Variants in ENPP1 observed in about 807,000 individuals in gnomAD.
ENPP1 encodes the protein ectonucleotide pyrophosphatase/phosphodiesterase 1.
In ENPP1, 73 loss-of-function variants were observed where a neutral mutation model predicts 122.8. That is an observed-to-expected ratio of 0.59 (90% CI 0.49 to 0.72). The LOEUF (loss-of-function observed/expected upper bound fraction) is 0.72, where lower values mean the gene tolerates loss of function less well. Ranked by LOEUF, ENPP1 falls within the 30% of genes least tolerant of loss-of-function variation. ENPP1 has a pLI of 0.00. For missense variants in ENPP1, 978 were observed against 1,128.1 expected (o/e 0.87, Z 1.91); for synonymous variants, 367 against 391.6 (o/e 0.94, Z 0.74).
chr6:131,851,228 A>G lies in ENPP1; in HGVS notation c.517A>G (p.Lys173Glu), dbSNP rs1044498. 2 of 1,613,842 alleles carry G rather than the reference A, an allele frequency of 1.2e-6. No individual in the cohort carries two copies. Among genetic ancestry groups the G allele is most frequent in the South Asian group, 1.1e-5 (1 of 91,092 alleles). ...LCACSDDCKDKGDCCINYSSV... is the reference protein window; with the variant it reads ...LCACSDDCKDEGDCCINYSSV... ...TGCCTGTTCAGATGACTGCAAGGAC[A>G]AGGGCGACTGCTGCATCAACTACAG... Residue 173 changes from lysine to glutamate, a missense_variant, in exon 4 of 25, where the codon AAG (lysine) becomes GAG (glutamate). This residue lies in a region of ENPP1 where 330 missense variants were observed against 328.5 expected (regional missense o/e 1.00). Coordinates refer to ENST00000647893, the MANE Select transcript of ENPP1 (RefSeq NM_006208.3).
At chr6:131,854,723 G>A (rs1248725566) in intron 5 of ENPP1, among the ~76,000 whole-genome samples, 3 of 152,102 alleles carry the variant, frequency 2.0e-5, no homozygotes, top group Non-Finnish European at 4.4e-5. Context: ...ATTACGAAAT[G>A]ATAGAGCTTG....
chr6:131,819,833 A>G (rs2114657693), intron 1 of ENPP1: 1 of 409,446 alleles, frequency 2.4e-6, no homozygotes, highest in Admixed American at 3.7e-5. Context: ...CCATTGGAGG[A>G]GGACTGGGGC....
At chr6:131,841,534 C>T (rs562795389) in intron 1 of ENPP1, among the ~76,000 whole-genome samples, 2 of 152,298 alleles carry the variant, frequency 1.3e-5, no homozygotes, top group South Asian at 4.1e-4. Context: ...TGTCACTTAA[C>T]AAACTGACTC....
chr6:131,843,866 C>T (rs141351909), intron 1 of ENPP1, among the ~76,000 whole-genome samples: 5 of 152,116 alleles, frequency 3.3e-5, no homozygotes, highest in Admixed American at 2.0e-4. Flanking sequence ...ATTCCTTCCA[C>T]ACTCCCACCC....
At chr6:131,868,172 G>T in intron 12 of ENPP1, 46 bp downstream of exon 12, 2 of 1,414,652 alleles carry the variant, frequency 1.4e-6, no homozygotes. Flanking sequence ...AAGGGCTGAA[G>T]AAAGTTTACT....
intron 1 of ENPP1, among the ~76,000 whole-genome samples, chr6:131,837,094 C>G (rs1325877030): frequency 1.3e-5 from 2 of 151,478 alleles, no homozygotes; most frequent in Non-Finnish European, 2.9e-5. Flanking sequence ...TCTTTACAAG[C>G]AGTGGTTTGG....
chr6:131,821,620 C>G (rs184533377), intron 1 of ENPP1, among the ~76,000 whole-genome samples: 57 of 152,350 alleles, frequency 3.7e-4, no homozygotes, highest in Non-Finnish European at 5.3e-4. Context: ...TTACTCTGCA[C>G]TGGCTTGTCC....
rs975737872 is a variant in ENPP1, at chr6:131,894,701, G to A, written c.*4190G>A. ...GATAAAAGAGGACAAACCTTAGGGA[G>A]AAGAAGGCAGCTGCTCATTTCCAGC... On this transcript the variant is annotated 3_prime_UTR_variant, in exon 25 of 25. Coordinates refer to ENST00000647893, the MANE Select transcript of ENPP1 (RefSeq NM_006208.3). 2.0e-5 allele frequency: 3 copies of A among 152,236 alleles called. No homozygotes were observed. The highest frequency in any genetic ancestry group is 7.2e-5 in the African/African-American group (3 of 41,454). The allele number at this position is 152,236 out of a possible 1,614,324, so 9.4% of individuals were successfully genotyped here.
At chr6:131,845,698 A>AT (rs1781801200) in intron 1 of ENPP1, among the ~76,000 whole-genome samples, 1 of 151,814 alleles carries the variant, frequency 6.6e-6, no homozygotes, top group African/African-American at 2.4e-5. Context: ...GCCTGAAGTG[A>AT]TCCCCCCACC....
Position 131,824,442 on chromosome 6 carries a change from T to TTTGTTGTTG in ENPP1, c.240+16188_240+16196dup, listed in dbSNP as rs140923936. 5.4e-4 allele frequency among the ~76,000 whole-genome samples: 71 copies of TTTGTTGTTG among 132,538 alleles called. 1 individual carries two copies. The highest frequency in any genetic ancestry group is 1.7e-3 in the African/African-American group (65 of 38,758). The allele number at this position is 132,538 out of a possible 152,430, so 87.0% of individuals were successfully genotyped here. On this transcript the variant is annotated intron_variant, in intron 1 of 24. Coordinates refer to ENST00000647893, the MANE Select transcript of ENPP1 (RefSeq NM_006208.3). ...TTGCCAGAGCCATCTCCAGGCAGGA[T>TTTGTTGTTG]TTGTTGTTGTTGTTGTTGTTGTTGT... is the stretch of plus-strand genomic sequence containing the variant.
Position 131,861,637 on chromosome 6 carries a change from T to G in ENPP1, c.958T>G (p.Phe320Val), listed in dbSNP as rs1320551672. 6.2e-7 allele frequency: 1 copy of G among 1,613,400 alleles called. No homozygotes were observed. The highest frequency in any genetic ancestry group is 8.5e-7 in the Non-Finnish European group (1 of 1,179,376). ...GTATCAAGGCCTCAAGTCTGGCACA[T>G]TTTTCTGGCCAGGATCAGATGTGGA... is the stretch of plus-strand genomic sequence containing the variant. ...AKYQGLKSGT[F>V]FWPGSDVEIN... Residue 320 changes from phenylalanine (F) to valine (V), a missense_variant, in exon 9 of 25, where the codon TTT (phenylalanine) becomes GTT (valine). This residue lies in a region of ENPP1 where 644 missense variants were observed against 781.5 expected (regional missense o/e 0.82). Coordinates refer to ENST00000647893, the MANE Select transcript of ENPP1 (RefSeq NM_006208.3).
Position 131,882,332 on chromosome 6 carries a change from T to A in ENPP1, c.2101-13T>A, listed in dbSNP as rs1286029624. 1.3e-6 allele frequency: 2 copies of A among 1,505,456 alleles called. No homozygotes were observed. 93.3% of individuals were successfully genotyped at this position (1,505,456 alleles called of 1,614,324 possible). ...CCTGATATCTGAGAGTTCTTCTCATTTTCGTTCTTCAGGACAGTTTCTCTA... is the reference window on the plus strand; with the variant it reads ...CCTGATATCTGAGAGTTCTTCTCATATTCGTTCTTCAGGACAGTTTCTCTA... On this transcript the variant is annotated splice_polypyrimidine_tract_variant and intron_variant, in intron 20 of 24. Transcript: ENST00000647893.
At chr6:131,862,443 G>A (rs978985702) in intron 9 of ENPP1, among the ~76,000 whole-genome samples, 2 of 152,150 alleles carry the variant, frequency 1.3e-5, no homozygotes, top group South Asian at 4.1e-4. Flanking sequence ...TGGAGAAATT[G>A]TAATTCATGC....
chr6:131,836,152 G>C (rs1171393238), intron 1 of ENPP1, among the ~76,000 whole-genome samples: 1 of 150,700 alleles, frequency 6.6e-6, no homozygotes, highest in Non-Finnish European at 1.5e-5. Context: ...TGTTCTTGCT[G>C]CCCAGGCTGG....
chr6:131,823,949 G>A (rs1422731055), intron 1 of ENPP1, among the ~76,000 whole-genome samples: 3 of 150,780 alleles, frequency 2.0e-5, no homozygotes, highest in Non-Finnish European at 4.4e-5. Context: ...AAACTAATGA[G>A]AAGAGTGCCT....
At chr6:131,867,761 G>A (rs1009870229) in intron 11 of ENPP1, among the ~76,000 whole-genome samples, 9 of 152,104 alleles carry the variant, frequency 5.9e-5, no homozygotes, top group Non-Finnish European at 2.9e-5. Flanking sequence ...AATTGAACGT[G>A]TATAGAATTA....
Position 131,832,961 on chromosome 6 carries a change from A to G in ENPP1, c.241-14815A>G, listed in dbSNP as rs981472057. On this transcript the variant is annotated intron_variant, in intron 1 of 24. Coordinates refer to ENST00000647893, the MANE Select transcript of ENPP1 (RefSeq NM_006208.3). Reference sequence around the variant, plus strand: ...GGATTTACCAAATTATATTTGCTCCATGATTTATAAACAGAAATTTAGGTT... The same window carrying G: ...GGATTTACCAAATTATATTTGCTCCGTGATTTATAAACAGAAATTTAGGTT... Among the ~76,000 whole-genome samples, 13 of 152,376 alleles carry G rather than the reference A, an allele frequency of 8.5e-5. No homozygotes were observed. The East Asian group carries it at 1.7e-3, about 20-fold the overall frequency.
At chr6:131,844,174 C>T (rs189831050) in intron 1 of ENPP1, among the ~76,000 whole-genome samples, 2 of 152,334 alleles carry the variant, frequency 1.3e-5, no homozygotes, top group East Asian at 3.9e-4. Flanking sequence ...CCTTGGACAA[C>T]TATTTTGGCC....
At chr6:131,811,354 A>C (rs916134194) in intron 1 of ENPP1, among the ~76,000 whole-genome samples, 3 of 135,616 alleles carry the variant, frequency 2.2e-5, no homozygotes, top group Non-Finnish European at 4.8e-5. Context: ...CTTTAAAAAA[A>C]CATATATCTA....
Sources: gnomAD v4.1 joint callset for allele counts (sites outside exome capture counted in the v4.1 genomes callset) on GRCh38, gnomAD v4.1.1 for gene constraint, gnomAD v4.1.1 regional missense constraint, MANE v1.5 for transcripts, NCBI Gene and HGNC (gene_info 2026-07-23, HGNC 2026-07-21) for gene names.